ATP8A2: variants seen among roughly 807,000 people sequenced by gnomAD.
ATP8A2 encodes ATPase phospholipid transporting 8A2, also known as phospholipid-transporting ATPase IB.
Under a neutral mutation model 165.6 loss-of-function variants are expected in ATP8A2, and 100 were observed. That is an observed-to-expected ratio of 0.60 (90% CI 0.51 to 0.71). The LOEUF is 0.71. ATP8A2 is among the 30% of genes least tolerant of loss of function. The pLI, the probability that ATP8A2 is intolerant of heterozygous loss-of-function variation, is 0.00. For missense variants in ATP8A2, 1,227 were observed against 1,479.5 expected, an observed-to-expected ratio of 0.83 and a Z score of 2.80; for synonymous variants, 543 against 548.8, an observed-to-expected ratio of 0.99 and a Z score of 0.15.
At chr13:25,597,724 C>T (rs2040273086) in intron 24 of ATP8A2, among the ~76,000 whole-genome samples, 1 of 152,174 alleles carries the variant, frequency 6.6e-6, no homozygotes, top group African/African-American at 2.4e-5. Flanking sequence ...TTTAGCTAAG[C>T]TGTGCATGGA....
In ATP8A2 at chr13:25,490,371, C is replaced by T. The variant is rs1027593422; in HGVS notation, c.221+21250C>T. ...CTCTCCTCGCGGAGCACAGCACGGACGGGCCAGGAGCCGGGGCTCCCATGC... is the reference window on the plus strand; with the variant it reads ...CTCTCCTCGCGGAGCACAGCACGGATGGGCCAGGAGCCGGGGCTCCCATGC... On this transcript the variant is annotated intron_variant, in intron 2 of 36. Transcript: ENST00000381655. Among the ~76,000 whole-genome samples the T allele has an allele frequency of 4.6e-5, 7 of 152,230 alleles. No homozygotes were observed. In the East Asian group the frequency reaches 5.8e-4, roughly 13 times the overall value.
At chr13:25,772,221 C>A (rs2044636920) in intron 26 of ATP8A2, among the ~76,000 whole-genome samples, 1 of 152,114 alleles carries the variant, frequency 6.6e-6, no homozygotes, top group Non-Finnish European at 1.5e-5. Flanking sequence ...ATCATTCCTG[C>A]CCCCTGCCCT....
Position 25,970,493 on chromosome 13 carries a change from A to G in ATP8A2, c.3377+1814A>G, listed in dbSNP as rs549432335. 5.3e-5 allele frequency among the ~76,000 whole-genome samples: 8 copies of G among 152,328 alleles called. No homozygotes were observed. In the South Asian group the frequency reaches 1.7e-3, roughly 32 times the overall value. Reference sequence around the variant, plus strand: ...CCAACACTGTGTGCAGGGACCAACCACCCAGTTTGGAGGGCCACATGCATT... The same window carrying G: ...CCAACACTGTGTGCAGGGACCAACCGCCCAGTTTGGAGGGCCACATGCATT... On this transcript the variant is annotated intron_variant, in intron 35 of 36. Coordinates refer to ENST00000381655, the MANE Select transcript of ATP8A2 (RefSeq NM_016529.6).
intron 1 of ATP8A2, among the ~76,000 whole-genome samples, chr13:25,374,260 G>A (rs2032534569): frequency 6.6e-6 from 1 of 152,218 alleles, no homozygotes; most frequent in South Asian, 2.1e-4. Context: ...CAATAAAGAT[G>A]AGGCTGGAGA....
At chr13:25,390,062 T>A (rs1389431971) in intron 1 of ATP8A2, among the ~76,000 whole-genome samples, 2 of 152,228 alleles carry the variant, frequency 1.3e-5, no homozygotes, top group East Asian at 3.9e-4. Context: ...TGGTGCGATC[T>A]CAGCTGACTG....
intron 10 of ATP8A2, among the ~76,000 whole-genome samples, chr13:25,546,715 A>G (rs940343523): frequency 3.3e-5 from 5 of 152,208 alleles, no homozygotes; most frequent in African/African-American, 1.2e-4. Flanking sequence ...AGTGATGCAC[A>G]TATATCAATT....
At chr13:25,844,178 G>A (rs1239455299) in intron 30 of ATP8A2, among the ~76,000 whole-genome samples, 1 of 152,114 alleles carries the variant, frequency 6.6e-6, no homozygotes, top group Non-Finnish European at 1.5e-5. Flanking sequence ...CAGCTGACTG[G>A]AGGACTTGTT....
intron 27 of ATP8A2, among the ~76,000 whole-genome samples, chr13:25,803,339 C>G (rs918465716): frequency 6.6e-6 from 1 of 152,072 alleles, no homozygotes; most frequent in African/African-American, 2.4e-5. Flanking sequence ...TTAATATAAA[C>G]TCATCAATTT....
At chr13:25,539,680 T>C (rs1313825277) in intron 7 of ATP8A2, among the ~76,000 whole-genome samples, 2 of 152,200 alleles carry the variant, frequency 1.3e-5, no homozygotes, top group Non-Finnish European at 2.9e-5. Flanking sequence ...GGTTTTTTAG[T>C]TGGAAGAGTC....
At chr13:25,416,439 A>C (rs1555267438) in intron 1 of ATP8A2, among the ~76,000 whole-genome samples, 1 of 151,858 alleles carries the variant, frequency 6.6e-6, no homozygotes, top group Non-Finnish European at 1.5e-5. Context: ...CCCCACCCCC[A>C]TTTAAAATAA....
At chr13:25,598,666 A>G (rs1352608358) in intron 24 of ATP8A2, among the ~76,000 whole-genome samples, 3 of 152,008 alleles carry the variant, frequency 2.0e-5, no homozygotes, top group Non-Finnish European at 4.4e-5. Context: ...TTGTTATGAT[A>G]GCTCATTTAA....
intron 2 of ATP8A2, among the ~76,000 whole-genome samples, chr13:25,485,425 T>A (rs1363855982): frequency 6.6e-6 from 1 of 152,266 alleles, no homozygotes; most frequent in Non-Finnish European, 1.5e-5. Context: ...TTTCTTTTCA[T>A]ACTTTTACCA....
At position 25,978,654 on chromosome 13, in the gene ATP8A2, A is replaced by G. The variant is rs139068693; in HGVS notation, c.3377+9975A>G. On this transcript the variant is annotated intron_variant, in intron 35 of 36. Coordinates refer to ENST00000381655, the MANE Select transcript of ATP8A2 (RefSeq NM_016529.6). ...ACTGTTACAGGCAAAAAGAAGACTCAGGAGAGGCCGGGCGCGGTGGCTCAC... is the reference window on the plus strand; with the variant it reads ...ACTGTTACAGGCAAAAAGAAGACTCGGGAGAGGCCGGGCGCGGTGGCTCAC... Among the ~76,000 whole-genome samples the G allele has an allele frequency of 2.0e-5, 3 of 152,258 alleles. No homozygotes were observed. In the East Asian group the frequency reaches 5.8e-4, roughly 29 times the overall value.
intron 24 of ATP8A2, among the ~76,000 whole-genome samples, chr13:25,624,838 C>A (rs945160243): frequency 5.9e-5 from 9 of 152,132 alleles, no homozygotes; most frequent in African/African-American, 2.2e-4. Context: ...TCTATTTCAA[C>A]TCCTGTAAGT....
intron 1 of ATP8A2, among the ~76,000 whole-genome samples, chr13:25,459,862 G>T (rs534655067): frequency 1.3e-5 from 2 of 152,150 alleles, no homozygotes; most frequent in South Asian, 4.1e-4. Flanking sequence ...GGGGTTGGTT[G>T]CAGTGAAGCC....
chr13:25,862,798 G>T (rs939198489), intron 33 of ATP8A2, among the ~76,000 whole-genome samples: 10 of 152,050 alleles, frequency 6.6e-5, no homozygotes, highest in Non-Finnish European at 1.2e-4. Flanking sequence ...TTGTACTCTG[G>T]TTTGTTGTTA....
At chr13:25,893,825 G>GT (rs1431058793) in intron 33 of ATP8A2, among the ~76,000 whole-genome samples, 13 of 152,052 alleles carry the variant, frequency 8.5e-5, no homozygotes, top group Non-Finnish European at 1.6e-4. Flanking sequence ...TTTTTCATGT[G>GT]TTTTTTGGCT....
At chr13:25,822,672 A>G (rs1397791184) in intron 27 of ATP8A2, among the ~76,000 whole-genome samples, 2 of 152,174 alleles carry the variant, frequency 1.3e-5, no homozygotes, top group Non-Finnish European at 2.9e-5. Context: ...GTTTTCATAG[A>G]TATTCCAAAT....
At chr13:25,396,542 C>A (rs2033431255) in intron 1 of ATP8A2, among the ~76,000 whole-genome samples, 2 of 152,104 alleles carry the variant, frequency 1.3e-5, no homozygotes, top group African/African-American at 4.8e-5. Context: ...TTTTCTCAGT[C>A]CCAGCCGGCT....
Sources: gnomAD v4.1 joint callset for allele counts (sites outside exome capture counted in the v4.1 genomes callset) on GRCh38, gnomAD v4.1.1 for gene constraint, MANE v1.5 for transcripts, NCBI Gene and HGNC (gene_info 2026-07-23, HGNC 2026-07-21) for gene names.